Variants in ADAMTS3 observed in about 807,000 individuals in gnomAD.
ADAMTS3 encodes the protein A disintegrin and metalloproteinase with thrombospondin motifs 3.
Under a neutral mutation model 129.0 loss-of-function variants are expected in ADAMTS3, and 73 were observed. That is an observed-to-expected ratio of 0.57 (90% CI 0.47 to 0.69). The LOEUF is 0.69. Ranked by LOEUF, ADAMTS3 falls within the 30% of genes least tolerant of loss-of-function variation. ADAMTS3 has a pLI of 0.00. For synonymous variants in ADAMTS3, 477 were observed against 510.8 expected, an observed-to-expected ratio of 0.93 and a Z score of 0.89; for missense variants, 1,457 against 1,514.5, an observed-to-expected ratio of 0.96 and a Z score of 0.63.
chr4:72,491,964 T>C (rs981961522), intron 3 of ADAMTS3, among the ~76,000 whole-genome samples: 1 of 151,852 alleles, frequency 6.6e-6, no homozygotes, highest in Non-Finnish European at 1.5e-5. Flanking sequence ...CCTTTTCAGG[T>C]TGTTTCTTCC....
chr4:72,520,742 G>A (rs1021757968), intron 3 of ADAMTS3, among the ~76,000 whole-genome samples: 6 of 152,114 alleles, frequency 3.9e-5, no homozygotes. Context: ...GGTGCTATCT[G>A]TCACCCCTTT....
intron 3 of ADAMTS3, among the ~76,000 whole-genome samples, chr4:72,475,297 A>C (rs1335610291): frequency 1.3e-5 from 2 of 152,064 alleles, no homozygotes; most frequent in Admixed American, 6.6e-5. Flanking sequence ...AGGGAAGTTG[A>C]AAGTAAAAGA....
At chr4:72,530,389 A>T (rs1202078730) in intron 3 of ADAMTS3, among the ~76,000 whole-genome samples, 4 of 83,836 alleles carry the variant, frequency 4.8e-5, no homozygotes, top group African/African-American at 1.9e-4. Context: ...TATATATTAA[A>T]TTAACATATA....
chr4:72,504,169 G>A (rs1364983781), intron 3 of ADAMTS3, among the ~76,000 whole-genome samples: 1 of 152,084 alleles, frequency 6.6e-6, no homozygotes, highest in African/African-American at 2.4e-5. Context: ...CTACTGTTTG[G>A]TTGCTTTATT....
chr4:72,285,775 A>C (rs1718489799), intron 21 of ADAMTS3, among the ~76,000 whole-genome samples: 1 of 151,910 alleles, frequency 6.6e-6, no homozygotes, highest in Non-Finnish European at 1.5e-5. Flanking sequence ...CAGGCAAAAA[A>C]AAAAAAAAAA....
chr4:72,290,774 T>C lies in ADAMTS3; in HGVS notation c.2931+81A>G, dbSNP rs999521445. 6 of 1,435,912 alleles carry C rather than the reference T, an allele frequency of 4.2e-6. No homozygotes were observed. In the African/African-American group the frequency reaches 8.4e-5, roughly 20 times the overall value. The allele number at this position is 1,435,912 out of a possible 1,614,324, so 88.9% of individuals were successfully genotyped here. Reference sequence around the variant, plus strand: ...TTTCTCAGTTCACACAAAGCCTAACTGATGTTTAAGCCAAATTAAAATATC... The same window carrying C: ...TTTCTCAGTTCACACAAAGCCTAACCGATGTTTAAGCCAAATTAAAATATC... On this transcript the variant is annotated intron_variant, in intron 20 of 21. Transcript: ENST00000286657.
intron 3 of ADAMTS3, among the ~76,000 whole-genome samples, chr4:72,424,617 T>A (rs1037343332): frequency 5.3e-5 from 8 of 152,172 alleles, no homozygotes; most frequent in Non-Finnish European, 1.2e-4. Context: ...CCTAGGAAGC[T>A]CATTATTGTA....
chr4:72,399,862 G>A lies in ADAMTS3; in HGVS notation c.661+14953C>T, dbSNP rs571724882. ...ATATACACACACGGTGTGTATATAC[G>A]TGTGTATATATACACACACGGTGTG... On this transcript the variant is annotated intron_variant, in intron 4 of 21. Coordinates refer to ENST00000286657, the MANE Select transcript of ADAMTS3 (RefSeq NM_014243.3). Among the ~76,000 whole-genome samples the A allele has an allele frequency of 7.1e-4, 55 of 77,906 alleles. 4 individuals carry two copies. The highest frequency in any genetic ancestry group is 2.7e-3 in the African/African-American group (52 of 19,484). The allele number at this position is 77,906 out of a possible 152,430, so 51.1% of individuals were successfully genotyped here. A position where few individuals can be genotyped will look rare whatever the true frequency, so the allele number is the denominator to read the frequency against.
intron 3 of ADAMTS3, among the ~76,000 whole-genome samples, chr4:72,533,086 T>A (rs1257914498): frequency 6.6e-5 from 10 of 152,152 alleles, no homozygotes; most frequent in Non-Finnish European, 8.8e-5. Context: ...CTTATAATTT[T>A]AAAAAATGAT....
At chr4:72,314,379 G>T (rs1212350916) in intron 11 of ADAMTS3, among the ~76,000 whole-genome samples, 1 of 152,050 alleles carries the variant, frequency 6.6e-6, no homozygotes, top group Non-Finnish European at 1.5e-5. Flanking sequence ...GAGGAAAATT[G>T]AGGCCCAGAA....
chr4:72,443,694 A>AAC (rs5859324), intron 3 of ADAMTS3, among the ~76,000 whole-genome samples: 926 of 74,256 alleles, frequency 0.012, 10 homozygotes, highest in African/African-American at 0.032. Flanking sequence ...GTTCGAATGG[A>AAC]AAAAAAAAAA....
chr4:72,490,734 T>A (rs576952825), intron 3 of ADAMTS3, among the ~76,000 whole-genome samples: 1 of 152,006 alleles, frequency 6.6e-6, no homozygotes, highest in Non-Finnish European at 1.5e-5. Context: ...TTAATTAGTG[T>A]AGCTTTGTAA....
At position 72,283,284 on chromosome 4, in the gene ADAMTS3, T is replaced by C; in HGVS notation, c.3470A>G (p.His1157Arg). 2 of 1,614,086 alleles carry C rather than the reference T, an allele frequency of 1.2e-6. No homozygotes were observed. The highest frequency in any genetic ancestry group is 1.7e-6 in the Non-Finnish European group (2 of 1,179,952). The change falls in exon 22 of 22, where the codon CAC becomes CGC. Residue 1157 changes from histidine to arginine, a missense_variant. Transcript: ENST00000286657. The stretch of plus-strand genomic sequence containing the variant: ...AGCCATTTGTGAAGCTGAACTGAGG[T>C]GGACCCTCTTGGTGGGTGGGGAGGA... ...VPSSPPTKRV[H>R]LSSASQMAAA...
rs2110020934 is a variant in ADAMTS3, at chr4:72,498,163, A to G, written c.504+50315T>C. ...TCCTTTGTCTTAGAGAGCGAACACT[A>G]TATATTGAGGCTGGCAATATTTATC... On this transcript the variant is annotated intron_variant, in intron 3 of 21. Coordinates refer to ENST00000286657, the MANE Select transcript of ADAMTS3 (RefSeq NM_014243.3). 1.3e-5 allele frequency among the ~76,000 whole-genome samples: 2 copies of G among 152,176 alleles called. 1 individual carries two copies. Among genetic ancestry groups the G allele is most frequent in the South Asian group, 4.1e-4 (2 of 4,828 alleles).
chr4:72,537,694 G>A (rs896712807), intron 3 of ADAMTS3, among the ~76,000 whole-genome samples: 1 of 152,074 alleles, frequency 6.6e-6, no homozygotes, highest in Non-Finnish European at 1.5e-5. Flanking sequence ...AACACTATTA[G>A]GTTCAGAAGC....
At chr4:72,390,893 T>TA (rs33953807) in intron 4 of ADAMTS3, among the ~76,000 whole-genome samples, 115 of 145,372 alleles carry the variant, frequency 7.9e-4, no homozygotes, top group South Asian at 2.6e-3. Context: ...TAGAAAAAAT[T>TA]AAAAAAAAAA....
intron 2 of ADAMTS3, among the ~76,000 whole-genome samples, chr4:72,560,613 C>T (rs1003243713): frequency 1.3e-5 from 2 of 152,172 alleles, no homozygotes; most frequent in East Asian, 3.9e-4. Flanking sequence ...CATGTTCTCA[C>T]TCATAAGTGG....
Position 72,290,862 on chromosome 4 carries a change from C to T in ADAMTS3, c.2924G>A (p.Trp975Ter). Residue 975 changes from tryptophan (W) to a stop codon, truncating the protein, a stop_gained, in exon 20 of 22, where the codon TGG becomes TAG. Transcript: ENST00000286657. LOFTEE classifies it high-confidence loss of function. ...CGGAATTCACACACCTACCTCACTC[C>T]AGGGTCCTGTTTTCCACTGTGCAGG... ...PCPAQWKTGP[W>*]SECSVTCGEG... 6.2e-7 allele frequency: 1 copy of T among 1,613,794 alleles called. No individual in the cohort carries two copies. Among genetic ancestry groups the T allele is most frequent in the Non-Finnish European group, 8.5e-7 (1 of 1,179,846 alleles).
intron 3 of ADAMTS3, among the ~76,000 whole-genome samples, chr4:72,538,546 T>C (rs1320765351): frequency 6.6e-6 from 1 of 151,090 alleles, no homozygotes; most frequent in Admixed American, 6.6e-5. Flanking sequence ...CCCTTCAAAA[T>C]TGAGGGAGAA....
Sources: gnomAD v4.1 joint callset for allele counts (sites outside exome capture counted in the v4.1 genomes callset) on GRCh38, gnomAD v4.1.1 for gene constraint, MANE v1.5 for transcripts, NCBI Gene and HGNC (gene_info 2026-07-23, HGNC 2026-07-21) for gene names.